Variants in SLCO1B3 observed in about 807,000 individuals in gnomAD.
The protein encoded by SLCO1B3 is liver-specific organic anion transporter 2.
A neutral mutation model predicts 71.8 loss-of-function variants in SLCO1B3; 72 were observed. The ratio of observed to expected loss-of-function variants is 1.00; its 90% CI spans 0.83 to 1.22. The LOEUF is 1.22. SLCO1B3 is among the 50% of genes most tolerant of loss of function. SLCO1B3 has a pLI of 0.00. For synonymous variants in SLCO1B3, 298 were observed against 278.4 expected (o/e 1.07, Z -0.70); for missense variants, 911 against 819.7 (o/e 1.11, Z -1.36).
At position 20,875,445 on chromosome 12, in the gene SLCO1B3, A is replaced by G; in HGVS notation, c.938A>G (p.Asn313Ser). 7 of 1,602,240 alleles carry G rather than the reference A, an allele frequency of 4.4e-6. No homozygotes were observed. Among genetic ancestry groups the G allele is most frequent in the Non-Finnish European group, 5.9e-6 (7 of 1,177,538 alleles). ...DDRNQTANLT[N>S]QGKNVTKNVT... ...AGAAATCAAACAGCTAATTTGACCAACCAAGGAAAAAATGTTACCAAAAAT... is the reference window on the plus strand; with the variant it reads ...AGAAATCAAACAGCTAATTTGACCAGCCAAGGAAAAAATGTTACCAAAAAT... The change falls in exon 9 of 16, where the codon AAC (asparagine) becomes AGC (serine). Residue 313 changes from asparagine to serine, a missense_variant. Transcript: ENST00000381545.
At chr12:20,822,921 T>G (rs908901054) in intron 3 of SLCO1B3, among the ~76,000 whole-genome samples, 1 of 152,204 alleles carries the variant, frequency 6.6e-6, no homozygotes, top group Non-Finnish European at 1.5e-5. Flanking sequence ...TTTAAAATCT[T>G]TTGAAGAAAG....
chr12:20,829,345 G>T (rs1403321920), intron 3 of SLCO1B3, among the ~76,000 whole-genome samples: 1 of 152,226 alleles, frequency 6.6e-6, no homozygotes, highest in Non-Finnish European at 1.5e-5. Flanking sequence ...CATCCTAGAA[G>T]CAGGGAAAAC....
intron 2 of SLCO1B3, among the ~76,000 whole-genome samples, chr12:20,814,199 C>G (rs899726096): frequency 3.9e-5 from 6 of 151,948 alleles, no homozygotes; most frequent in African/African-American, 1.5e-4. Flanking sequence ...TATAAATATT[C>G]CACTGTTCTA....
chr12:20,880,238 A>T (rs1198396197), intron 11 of SLCO1B3, among the ~76,000 whole-genome samples: 1 of 151,404 alleles, frequency 6.6e-6, no homozygotes, highest in Non-Finnish European at 1.5e-5. Flanking sequence ...CAGTATAAAC[A>T]GTATTATAGT....
chr12:20,873,675 TGC>T (rs1288665051), intron 8 of SLCO1B3, among the ~76,000 whole-genome samples: 5 of 152,338 alleles, frequency 3.3e-5, no homozygotes, highest in African/African-American at 1.2e-4. Context: ...GGTAAACATG[TGC>T]AATGGTGGTT....
intron 3 of SLCO1B3, among the ~76,000 whole-genome samples, chr12:20,849,519 G>C (rs1021794594): frequency 6.6e-6 from 1 of 151,968 alleles, no homozygotes; most frequent in Non-Finnish European, 1.5e-5. Flanking sequence ...TTTTACTAAT[G>C]CTATTCAAGA....
intron 3 of SLCO1B3, chr12:20,845,033 A>G (rs1280773309): frequency 4.2e-6 from 1 of 238,292 alleles, no homozygotes; most frequent in Non-Finnish European, 8.5e-6. Context: ...GTCTCAAAAA[A>G]AAAAAAAAAA....
intron 15 of SLCO1B3, among the ~76,000 whole-genome samples, chr12:20,908,523 G>A (rs2120432496): frequency 6.6e-6 from 1 of 152,188 alleles, no homozygotes. Flanking sequence ...AATCTTCTGT[G>A]CTCTGCCTGT....
At position 20,862,829 on chromosome 12, in the gene SLCO1B3, C is replaced by T. The variant is rs374015229; in HGVS notation, c.702C>T (p.Tyr234=). 30 of 1,600,456 alleles carry T rather than the reference C, an allele frequency of 1.9e-5. No homozygotes were observed. Among genetic ancestry groups the T allele is most frequent in the African/African-American group, 1.2e-4 (9 of 74,764 alleles). ...FALGSLFAKM[Y]VDIGYVDLST... ...TGGGATCTCTGTTTGCTAAAATGTA[C>T]GTGGATATTGGATATGTAGATCTGA... Residue 234 remains tyrosine (Y), a synonymous_variant, in exon 8 of 16, where the codon TAC becomes TAT. Transcript: ENST00000381545.
At chr12:20,844,516 C>T (rs571677288) in intron 3 of SLCO1B3, among the ~76,000 whole-genome samples, 13 of 151,308 alleles carry the variant, frequency 8.6e-5, no homozygotes, top group Middle Eastern at 6.8e-3. Context: ...TGCAGTGAGC[C>T]GAGATCACAC....
chr12:20,896,820 AC>A (rs759982197), intron 13 of SLCO1B3, among the ~76,000 whole-genome samples: 2 of 152,308 alleles, frequency 1.3e-5, no homozygotes, highest in South Asian at 2.1e-4. Context: ...TGGGCGATTT[AC>A]AAAAGAAAGA....
intron 3 of SLCO1B3, among the ~76,000 whole-genome samples, chr12:20,840,208 C>T (rs1427911195): frequency 2.6e-5 from 4 of 151,974 alleles, no homozygotes; most frequent in African/African-American, 9.7e-5. Flanking sequence ...TTTTAGGTGA[C>T]TTGTAATATC....
At position 20,815,817 on chromosome 12, in the gene SLCO1B3, T is replaced by G. The variant is rs1484454780; in HGVS notation, c.79T>G (p.Phe27Val). 1 of 1,580,546 alleles carries G rather than the reference T, an allele frequency of 6.3e-7. No individual in the cohort carries two copies. Among genetic ancestry groups the G allele is most frequent in the Admixed American group, 1.7e-5 (1 of 57,310 alleles). Residue 27 changes from phenylalanine to valine, a missense_variant, in exon 3 of 16, where the codon TTC (phenylalanine) becomes GTC (valine). Physicochemically the swap from Phe to Val is conservative, Grantham distance 50 (BLOSUM62 -1). Coordinates refer to ENST00000381545, the MANE Select transcript of SLCO1B3 (RefSeq NM_019844.4). ...EKKKTRRCNG[F>V]KMFLAALSFS... ...AAAGAAAACAAGACGCTGCAATGGA[T>G]TCAAGGTAGAATGGGTTTTATATTT...
At chr12:20,909,040 T>A (rs1407702630) in intron 15 of SLCO1B3, among the ~76,000 whole-genome samples, 1 of 152,150 alleles carries the variant, frequency 6.6e-6, no homozygotes, top group Non-Finnish European at 1.5e-5. Flanking sequence ...CACTTCCTTA[T>A]CCACATCTAA....
At chr12:20,812,383 C>T (rs1314911335) in intron 1 of SLCO1B3, among the ~76,000 whole-genome samples, 1 of 141,986 alleles carries the variant, frequency 7.0e-6, no homozygotes, top group Non-Finnish European at 1.6e-5. Flanking sequence ...TCCAGTGGTA[C>T]AGAAGGATGA....
intron 3 of SLCO1B3, among the ~76,000 whole-genome samples, chr12:20,854,291 G>A (rs1043982403): frequency 8.1e-6 from 1 of 122,940 alleles, no homozygotes; most frequent in Non-Finnish European, 1.8e-5. Context: ...AATGAATGCA[G>A]GATATTGAAG....
intron 4 of SLCO1B3, 105 bp from the exon 5 acceptor site, chr12:20,858,334 G>A (rs1865183012): frequency 1.4e-6 from 1 of 739,882 alleles, no homozygotes. Flanking sequence ...GTCTTTGAGG[G>A]AAGGTACAAT....
At chr12:20,908,943 G>A (rs997016844) in intron 15 of SLCO1B3, among the ~76,000 whole-genome samples, 23 of 152,096 alleles carry the variant, frequency 1.5e-4, no homozygotes, top group Non-Finnish European at 2.2e-4. Flanking sequence ...AATATGTATA[G>A]TTTTATAAGA....
chr12:20,825,567 G>A (rs904541983), intron 3 of SLCO1B3, among the ~76,000 whole-genome samples: 5 of 151,986 alleles, frequency 3.3e-5, no homozygotes, highest in African/African-American at 4.8e-5. Flanking sequence ...AGGCCAAGGC[G>A]GGCAGATCAC....
Sources: gnomAD v4.1 joint callset for allele counts (sites outside exome capture counted in the v4.1 genomes callset) on GRCh38, gnomAD v4.1.1 for gene constraint, MANE v1.5 for transcripts, NCBI Gene and HGNC (gene_info 2026-07-23, HGNC 2026-07-21) for gene names.